CPT1A: variants seen among roughly 807,000 people sequenced by gnomAD.
CPT1A encodes carnitine palmitoyltransferase 1A, also known as carnitine O-palmitoyltransferase 1, liver isoform.
A neutral mutation model predicts 100.8 loss-of-function variants in CPT1A; 64 were observed. The ratio of observed to expected loss-of-function variants is 0.63; its 90% CI spans 0.52 to 0.78. CPT1A has a LOEUF of 0.78. CPT1A is among the 30% of genes least tolerant of loss of function. The probability of loss-of-function intolerance (pLI) is 0.00; values close to 1 mark genes in which losing one functional copy is unlikely to be tolerated. For synonymous variants in CPT1A, 363 were observed against 396.0 expected (o/e 0.92, Z 0.99); for missense variants, 802 against 1,034.1 (o/e 0.78, Z 3.08).
chr11:68,821,309 C>G (rs1378006682), intron 1 of CPT1A, among the ~76,000 whole-genome samples: 3 of 152,176 alleles, frequency 2.0e-5, no homozygotes, highest in African/African-American at 4.8e-5. Context: ...CCCACCACCA[C>G]GACTGGCTAA....
intron 9 of CPT1A, chr11:68,786,084 C>G (rs979531491): frequency 1.4e-6 from 1 of 701,796 alleles, no homozygotes; most frequent in Non-Finnish European, 2.6e-6. Context: ...GACAAGCTAC[C>G]AGGAGCAGTG....
rs1857147570 is a variant in CPT1A at position 68,841,050 on chromosome 11, G to A, written c.-14+725C>T. Among the ~76,000 whole-genome samples, 2 of 152,250 alleles carry A rather than the reference G, an allele frequency of 1.3e-5. No individual in the cohort carries two copies. Among genetic ancestry groups the A allele is most frequent in the Non-Finnish European group, 2.9e-5 (2 of 68,036 alleles). ...CGGCAGCGCTCGGACCGCGCCTGGAGTCCCTGCGCCAAGGGCGTGTCCCGA... is the reference window on the plus strand; with the variant it reads ...CGGCAGCGCTCGGACCGCGCCTGGAATCCCTGCGCCAAGGGCGTGTCCCGA... On this transcript the variant is annotated intron_variant, in intron 1 of 18. Transcript: ENST00000265641. This position sits in a 1 kb window ranked among gnomAD's most constrained non-coding sequence, Gnocchi z 6.3.
intron 13 of CPT1A, 187 bp from the exon 14 acceptor site, chr11:68,773,616 C>G: frequency 9.8e-7 from 1 of 1,024,588 alleles, no homozygotes. Context: ...GGAGGAGCAG[C>G]TGCAATGTTA....
At chr11:68,796,726 CAG>C in intron 7 of CPT1A, 128 bp downstream of exon 7, 1 of 860,486 alleles carries the variant, frequency 1.2e-6, no homozygotes, top group Non-Finnish European at 1.9e-6. Context: ...GGAAGCAGGA[CAG>C]AGAGGAGCAT....
intron 1 of CPT1A, among the ~76,000 whole-genome samples, chr11:68,818,223 G>A (rs1856485926): frequency 6.6e-6 from 1 of 152,156 alleles, no homozygotes. Context: ...GGCACCTTGA[G>A]CTGCACTTGC....
Position 68,762,697 on chromosome 11 carries a change from G to A in CPT1A, c.1805C>T (p.Thr602Met), listed in dbSNP as rs1176189631. 3 of 1,614,030 alleles carry A rather than the reference G, an allele frequency of 1.9e-6. No individual in the cohort carries two copies. The highest frequency in any genetic ancestry group is 2.5e-6 in the Non-Finnish European group (3 of 1,180,036). Residue 602 changes from threonine to methionine, a missense_variant, in exon 15 of 19, where the codon ACG becomes ATG. Thr to Met is a moderately conservative substitution (Grantham distance 81). This residue lies in a region of CPT1A where 627 missense variants were observed against 799.3 expected (regional missense o/e 0.78). Transcript: ENST00000265641. ...AGTGGTGCAGGAGCGCACGGTCTCC[G>A]TCCTCCCCTCTCGGAAGAGCCGGGT... ...SMTRLFREGR[T>M]ETVRSCTTES...
chr11:68,828,199 G>A (rs188121686), intron 1 of CPT1A, among the ~76,000 whole-genome samples: 9 of 152,252 alleles, frequency 5.9e-5, no homozygotes, highest in East Asian at 1.9e-4. Context: ...CCAGCTGCTC[G>A]ACACCCCATC....
chr11:68,820,757 C>T (rs1267060358), intron 1 of CPT1A, among the ~76,000 whole-genome samples: 1 of 152,116 alleles, frequency 6.6e-6, no homozygotes, highest in Non-Finnish European at 1.5e-5. Context: ...CCGTCCCACT[C>T]CCTCCTTCCA....
intron 12 of CPT1A, among the ~76,000 whole-genome samples, chr11:68,778,089 T>G (rs1310139929): frequency 6.6e-6 from 1 of 152,144 alleles, no homozygotes; most frequent in African/African-American, 2.4e-5. Context: ...ACTATGTTTT[T>G]TTTTTTCCTT....
rs1857157389 is a variant in CPT1A, at chr11:68,841,457, G to A, written c.-14+318C>T. Among the ~76,000 whole-genome samples the A allele has an allele frequency of 6.6e-6, 1 of 151,892 alleles. No homozygotes were observed. Among genetic ancestry groups the A allele is most frequent in the Non-Finnish European group, 1.5e-5 (1 of 67,920 alleles). ...CGGTGGCCCCGCTGGCCCCGGGCCG[G>A]AGGCGTCCAGCCAAGTCCGGAGGGC... is the stretch of plus-strand genomic sequence containing the variant. On this transcript the variant is annotated intron_variant, in intron 1 of 18. Transcript: ENST00000265641. This position sits in a 1 kb window ranked among gnomAD's most constrained non-coding sequence, Gnocchi z 6.3.
chr11:68,805,027 G>A (rs2154000631), intron 4 of CPT1A, among the ~76,000 whole-genome samples: 1 of 152,348 alleles, frequency 6.6e-6, no homozygotes. Context: ...TGAACCCACT[G>A]GAGGGAGTGC....
chr11:68,825,983 C>G (rs1856716460), intron 1 of CPT1A, among the ~76,000 whole-genome samples: 1 of 152,180 alleles, frequency 6.6e-6, no homozygotes, highest in South Asian at 2.1e-4. Context: ...AGACACAGGG[C>G]AGAGGGTTCC....
At position 68,760,205 on chromosome 11, in the gene CPT1A, C is replaced by T; in HGVS notation, c.2142+20G>A. 2 of 1,572,334 alleles carry T rather than the reference C, an allele frequency of 1.3e-6. No homozygotes were observed. The highest frequency in any genetic ancestry group is 1.1e-5 in the South Asian group (1 of 87,850). ...CATCACCACGCCCCACTGCGCCTCG[C>T]CCAGCCCCGCCGCACTCACCGGTCC... On this transcript the variant is annotated intron_variant, in intron 17 of 18. Coordinates refer to ENST00000265641, the MANE Select transcript of CPT1A (RefSeq NM_001876.4).
At chr11:68,830,618 T>C (rs1331455478) in intron 1 of CPT1A, among the ~76,000 whole-genome samples, 1 of 152,220 alleles carries the variant, frequency 6.6e-6, no homozygotes, top group Non-Finnish European at 1.5e-5. Flanking sequence ...TATTCCATGG[T>C]TGTTCCTACC....
intron 1 of CPT1A, among the ~76,000 whole-genome samples, chr11:68,816,855 GGTGT>G (rs1247752894): frequency 7.0e-5 from 10 of 143,834 alleles, no homozygotes; most frequent in Non-Finnish European, 1.2e-4. Flanking sequence ...GTGCGTGTGT[GGTGT>G]GTGTGTGTGG....
At position 68,775,130 on chromosome 11, in the gene CPT1A, G is replaced by A. The variant is rs373569367; in HGVS notation, c.1575+186C>T. Among the ~76,000 whole-genome samples, 73 of 152,252 alleles carry A rather than the reference G, an allele frequency of 4.8e-4. 3 individuals carry two copies. The South Asian group carries it at 0.014, about 30-fold the overall frequency. ...AGAAGAAATATTTACCGAGGCTTCCGAGGCAACAGGAGCTGTGACAGCCCC... is the reference window on the plus strand; with the variant it reads ...AGAAGAAATATTTACCGAGGCTTCCAAGGCAACAGGAGCTGTGACAGCCCC... On this transcript the variant is annotated intron_variant, in intron 13 of 18. Coordinates refer to ENST00000265641, the MANE Select transcript of CPT1A (RefSeq NM_001876.4).
At chr11:68,829,963 A>G (rs575151559) in intron 1 of CPT1A, among the ~76,000 whole-genome samples, 3 of 152,298 alleles carry the variant, frequency 2.0e-5, no homozygotes, top group South Asian at 2.1e-4. Flanking sequence ...CTCTGCCCCA[A>G]GTGGACACGA....
In CPT1A at chr11:68,812,588, CA is replaced by C. The variant is rs1164405188; in HGVS notation, c.142-13del. On this transcript the variant is annotated splice_polypyrimidine_tract_variant and intron_variant, in intron 2 of 18. Coordinates refer to ENST00000265641, the MANE Select transcript of CPT1A (RefSeq NM_001876.4). ...GTGATGATGCCGTTCTAAAGACAGA[CA>C]CCCGGGCCGTGAGCGGTGTCCTCCC... The C allele has an allele frequency of 1.2e-6, 2 of 1,613,970 alleles. No homozygotes were observed. The highest frequency in any genetic ancestry group is 2.7e-5 in the African/African-American group (2 of 74,926).
chr11:68,780,942 C>T (rs1855293109), intron 11 of CPT1A, among the ~76,000 whole-genome samples, 197 bp from the exon 12 acceptor site: 2 of 152,178 alleles, frequency 1.3e-5, no homozygotes, highest in African/African-American at 2.4e-5. Flanking sequence ...TTCCCTGTCC[C>T]AGACACAAAG....
Sources: allele counts gnomAD v4.1 joint callset (sites outside exome capture counted in the v4.1 genomes callset), GRCh38; gene constraint gnomAD v4.1.1; regional missense constraint gnomAD v4.1.1; non-coding constraint Gnocchi (gnomAD v3.1); transcripts MANE v1.5; gene names NCBI Gene and HGNC (gene_info 2026-07-23, HGNC 2026-07-21).